The following TTBK1 variants were observed in gnomAD, a reference collection of about 807,000 sequenced individuals.
TTBK1 encodes tau tubulin kinase 1.
Under a neutral mutation model 108.5 loss-of-function variants are expected in TTBK1, and 34 were observed. The observed-to-expected ratio is 0.31, with a 90% CI of 0.24 to 0.42. The LOEUF (loss-of-function observed/expected upper bound fraction) is 0.42. Among genes scored for constraint, TTBK1 ranks in the 10% least tolerant of loss-of-function variants. The probability of loss-of-function intolerance (pLI) is 1.00; values close to 1 mark genes in which losing one functional copy is unlikely to be tolerated. For synonymous variants in TTBK1, 809 were observed against 795.1 expected (o/e 1.02, Z -0.29); for missense variants, 1,539 against 1,826.0 (o/e 0.84, Z 2.86).
chr6:43,274,137 C>T (rs1447963216), intron 13 of TTBK1, among the ~76,000 whole-genome samples: 8 of 152,138 alleles, frequency 5.3e-5, no homozygotes, highest in South Asian at 2.1e-4. Flanking sequence ...AGTAAATTTT[C>T]GATAACTCAA....
intron 2 of TTBK1, among the ~76,000 whole-genome samples, chr6:43,250,313 AT>A (rs1777201711): frequency 7.8e-6 from 1 of 127,718 alleles, no homozygotes; most frequent in Non-Finnish European, 1.6e-5. Context: ...TCTGCATTTG[AT>A]TGCCTGGGTT....
chr6:43,246,522 G>GC (rs1457388195), intron 1 of TTBK1, 85 bp from the exon 2 acceptor site: 1 of 598,190 alleles, frequency 1.7e-6, no homozygotes, highest in Non-Finnish European at 3.0e-6. Flanking sequence ...AGAATGCAGA[G>GC]CAGGAGTGGA....
intron 13 of TTBK1, among the ~76,000 whole-genome samples, chr6:43,264,648 C>A (rs759949430): frequency 5.3e-5 from 8 of 151,956 alleles, no homozygotes; most frequent in African/African-American, 1.9e-4. Context: ...AGGGAGAGGT[C>A]GGAGCATGGG....
rs1159873529 is a variant in TTBK1, at chr6:43,253,902, C to T, written c.471+194C>T. ...CTCCCGTGCTCCCCAGGAGCATGCA[C>T]CCCTGCCTGCCCCTCGGCCATGGCC... is the stretch of plus-strand genomic sequence containing the variant. On this transcript the variant is annotated intron_variant, in intron 5 of 14. Transcript: ENST00000259750. The surrounding 1 kb of genome is among the most constrained non-coding windows in gnomAD (Gnocchi z 5.8). Among the ~76,000 whole-genome samples, 1 of 152,188 alleles carries T rather than the reference C, an allele frequency of 6.6e-6. No homozygotes were observed. Among genetic ancestry groups the T allele is most frequent in the African/African-American group, 2.4e-5 (1 of 41,448 alleles).
intron 14 of TTBK1, 28 bp from the exon 15 acceptor site, chr6:43,284,955 T>G: frequency 1.3e-6 from 2 of 1,501,278 alleles, no homozygotes; most frequent in Non-Finnish European, 1.8e-6. Context: ...TGCCCTCTTC[T>G]TTTCTCCTGC....
chr6:43,284,949 CTCT>C (rs752343005), intron 14 of TTBK1, 31 bp from the exon 15 acceptor site: 14 of 1,498,208 alleles, frequency 9.3e-6, no homozygotes, highest in Admixed American at 4.5e-5. Flanking sequence ...TTTCTTTGCC[CTCT>C]TCTTTTCTCC....
intron 14 of TTBK1, 58 bp downstream of exon 14, chr6:43,284,370 G>GAGGGGCTTCTCCAGAACCAAGGTA (rs1778298597): frequency 5.6e-6 from 8 of 1,432,812 alleles, no homozygotes; most frequent in Non-Finnish European, 7.2e-6. Flanking sequence ...CCTCCACCAG[G>GAGGGGCTTCTCCAGAACCAAGGTA]AGGGGCTTCT....
intron 13 of TTBK1, among the ~76,000 whole-genome samples, chr6:43,266,771 C>T (rs1004418936): frequency 6.6e-6 from 1 of 152,088 alleles, no homozygotes; most frequent in African/African-American, 2.4e-5. Context: ...CATGCACCAC[C>T]ACCACACCCG....
Position 43,285,079 on chromosome 6 carries a change from C to G in TTBK1, c.3669C>G (p.Ala1223=). 1 of 1,491,492 alleles carries G rather than the reference C, an allele frequency of 6.7e-7. No homozygotes were observed. Among genetic ancestry groups the G allele is most frequent in the Middle Eastern group, 1.8e-4 (1 of 5,488 alleles). 92.4% of individuals were successfully genotyped at this position (1,491,492 alleles called of 1,614,324 possible). ...GCCTGGGCCCAGGGCGAGCCCAAGC[C>G]GGAGCCAGGCCCCCAGCGCCGCGCA... The part of the protein sequence containing the change: ...GRGLGPGRAQ[A]GARPPAPRSP... Residue 1223 remains alanine (A), a synonymous_variant, in exon 15 of 15, where the codon GCC becomes GCG. Coordinates refer to ENST00000259750, the MANE Select transcript of TTBK1 (RefSeq NM_032538.3). The surrounding 1 kb of genome is among the most constrained non-coding windows in gnomAD (Gnocchi z 4.7).
In TTBK1 at chr6:43,253,494, G is replaced by T; in HGVS notation, c.331-74G>T. The stretch of plus-strand genomic sequence containing the variant: ...GCACAACCCTTTGGGGTGAGGCTGG[G>T]AAGAGTATCACAATGATGGTGTCTG... On this transcript the variant is annotated intron_variant, in intron 4 of 14. Coordinates refer to ENST00000259750, the MANE Select transcript of TTBK1 (RefSeq NM_032538.3). The surrounding 1 kb of genome is among the most constrained non-coding windows in gnomAD (Gnocchi z 5.8). 1.3e-6 allele frequency: 2 copies of T among 1,588,568 alleles called. No homozygotes were observed. Among genetic ancestry groups the T allele is most frequent in the Non-Finnish European group, 1.7e-6 (2 of 1,166,804 alleles).
intron 2 of TTBK1, among the ~76,000 whole-genome samples, chr6:43,247,712 G>A (rs987349158): frequency 6.6e-6 from 1 of 152,184 alleles, no homozygotes; most frequent in African/African-American, 2.4e-5. Context: ...CTCAGTTCAC[G>A]GGAGTGCGGG....
intron 14 of TTBK1, among the ~76,000 whole-genome samples, chr6:43,284,717 C>G (rs1273131970): frequency 6.6e-6 from 1 of 152,106 alleles, no homozygotes; most frequent in African/African-American, 2.4e-5. Flanking sequence ...ATGCAAAATC[C>G]ATGAGAATTT....
intron 13 of TTBK1, among the ~76,000 whole-genome samples, chr6:43,281,673 C>T (rs6929983): frequency 0.25 from 38,715 of 151,966 alleles, 6,710 homozygotes; most frequent in African/African-American, 0.5. Flanking sequence ...AGGATATCCC[C>T]GGGGCTTCTG....
Position 43,255,188 on chromosome 6 carries a change from A to AG in TTBK1, c.642+78dup. 27 of 246,812 alleles carry AG rather than the reference A, an allele frequency of 1.1e-4. 1 individual carries two copies. Among genetic ancestry groups the AG allele is most frequent in the Admixed American group, 6.1e-4 (10 of 16,284 alleles). The allele number at this position is 246,812 out of a possible 1,614,324, so 15.3% of individuals were successfully genotyped here. ...GTCGGGGTGCAGTGTGCTGCTGGGG[A>AG]GGGGTGGGGAGAGGAGAGTGGGGCA... On this transcript the variant is annotated intron_variant, in intron 7 of 14. Coordinates refer to ENST00000259750, the MANE Select transcript of TTBK1 (RefSeq NM_032538.3).
chr6:43,256,634 T>C (rs1013861597), intron 9 of TTBK1, among the ~76,000 whole-genome samples: 1 of 152,050 alleles, frequency 6.6e-6, no homozygotes, highest in Non-Finnish European at 1.5e-5. Flanking sequence ...AGCTACTCAG[T>C]AGGCTAAAGT....
chr6:43,251,215 A>C (rs1305474308), intron 2 of TTBK1, among the ~76,000 whole-genome samples: 1 of 152,116 alleles, frequency 6.6e-6, no homozygotes, highest in East Asian at 1.9e-4. Context: ...TCCATCCCGC[A>C]GTGTCAATCA....
Position 43,263,265 on chromosome 6 carries a change from C to A in TTBK1, c.1901C>A (p.Thr634Lys), listed in dbSNP as rs528510058. Residue 634 changes from threonine (T) to lysine (K), a missense_variant, in exon 13 of 15, where the codon ACG (threonine) becomes AAG (lysine). This residue lies in a region of TTBK1 where 1,055 missense variants were observed against 1,086.5 expected (regional missense o/e 0.97). Coordinates refer to ENST00000259750, the MANE Select transcript of TTBK1 (RefSeq NM_032538.3). The surrounding 1 kb of genome is among the most constrained non-coding windows in gnomAD (Gnocchi z 4.7). Reference protein sequence around the residue: ...DGRSETSQPPTPGSPSHSPLH... With the variant: ...DGRSETSQPPKPGSPSHSPLH... ...CGTTCCGAGACGTCACAGCCCCCCA[C>A]GCCTGGCAGCCCTTCCCACTCACCC... 1.3e-6 allele frequency: 2 copies of A among 1,539,144 alleles called. No homozygotes were observed. Among genetic ancestry groups the A allele is most frequent in the East Asian group, 2.4e-5 (1 of 41,516 alleles).
Position 43,284,065 on chromosome 6 carries a change from G to A in TTBK1, c.3325G>A (p.Ala1109Thr). Residue 1109 changes from alanine to threonine, a missense_variant, in exon 14 of 15, where the codon GCC becomes ACC. Physicochemically the swap from Ala to Thr is moderately conservative, Grantham distance 58 (BLOSUM62 0). Transcript: ENST00000259750. Reference protein sequence around the residue: ...GRLLLRLASGASSSSSEEQRR... With the variant: ...GRLLLRLASGTSSSSSEEQRR... ...CCTGCTGTTGCGGCTGGCCTCAGGGGCCTCGTCCTCCTCCAGTGAGGAGCA... is the reference window on the plus strand; with the variant it reads ...CCTGCTGTTGCGGCTGGCCTCAGGGACCTCGTCCTCCTCCAGTGAGGAGCA... 1 of 1,540,090 alleles carries A rather than the reference G, an allele frequency of 6.5e-7. No individual in the cohort carries two copies. The highest frequency in any genetic ancestry group is 8.8e-7 in the Non-Finnish European group (1 of 1,142,108).
Position 43,283,091 on chromosome 6 carries a change from C to T in TTBK1, c.2351C>T (p.Pro784Leu). The change falls in exon 14 of 15, where the codon CCT becomes CTT. Residue 784 changes from proline to leucine, a missense_variant. Pro to Leu is a moderately conservative substitution (Grantham distance 98). Around this residue, in one of 5 missense-constraint regions of TTBK1, gnomAD observed 1,055 missense variants for 1,086.5 expected, o/e 0.97. Transcript: ENST00000259750. This position sits in a 1 kb window ranked among gnomAD's most constrained non-coding sequence, Gnocchi z 8.1. ...GTTGCCTTGGGGGAGGTGCTGGGGCCTCGTAGTGGCTCCAGCAGTGAGGGG... is the reference window on the plus strand; with the variant it reads ...GTTGCCTTGGGGGAGGTGCTGGGGCTTCGTAGTGGCTCCAGCAGTGAGGGG... ...AAVALGEVLGPRSGSSSEGSE... is the reference protein window; with the variant it reads ...AAVALGEVLGLRSGSSSEGSE... 1 of 1,582,834 alleles carries T rather than the reference C, an allele frequency of 6.3e-7. No homozygotes were observed. The highest frequency in any genetic ancestry group is 8.6e-7 in the Non-Finnish European group (1 of 1,165,024).
Sources: gnomAD v4.1 joint callset for allele counts (sites outside exome capture counted in the v4.1 genomes callset) on GRCh38, gnomAD v4.1.1 for gene constraint, gnomAD v4.1.1 regional missense constraint, Gnocchi (gnomAD v3.1) non-coding constraint, MANE v1.5 for transcripts, NCBI Gene and HGNC (gene_info 2026-07-23, HGNC 2026-07-21) for gene names.